Variants in XKR4 observed in about 807,000 individuals in gnomAD.
XKR4 encodes XK-related protein 4.
In XKR4, 12 loss-of-function variants were observed where a neutral mutation model predicts 53.9. That is an observed-to-expected ratio of 0.22 (90% CI 0.14 to 0.36). The LOEUF (loss-of-function observed/expected upper bound fraction) is 0.36, where lower values mean the gene tolerates loss of function less well. Ranked by LOEUF, XKR4 falls within the 10% of genes least tolerant of loss-of-function variation. The pLI is 1.00. For synonymous variants in XKR4, 354 were observed against 362.4 expected (o/e 0.98, Z 0.26); for missense variants, 799 against 859.5 (o/e 0.93, Z 0.88).
intron 2 of XKR4, among the ~76,000 whole-genome samples, chr8:55,503,174 G>T (rs1344436080): frequency 6.6e-6 from 1 of 151,710 alleles, no homozygotes; most frequent in Non-Finnish European, 1.5e-5. Context: ...GCTTTTCTGG[G>T]ACCTCTGTGA....
chr8:55,112,221 C>A (rs1294120968), intron 1 of XKR4, among the ~76,000 whole-genome samples: 1 of 152,144 alleles, frequency 6.6e-6, no homozygotes, highest in Non-Finnish European at 1.5e-5. Context: ...AGTTCTACTT[C>A]TTTTGTTTAA....
At chr8:55,324,258 G>A (rs902780146) in intron 1 of XKR4, among the ~76,000 whole-genome samples, 2 of 152,026 alleles carry the variant, frequency 1.3e-5, no homozygotes, top group Non-Finnish European at 2.9e-5. Context: ...ATCATGCCTG[G>A]CTACTTTTTT....
At chr8:55,456,299 C>T (rs1805568360) in intron 2 of XKR4, among the ~76,000 whole-genome samples, 1 of 152,070 alleles carries the variant, frequency 6.6e-6, no homozygotes, top group Non-Finnish European at 1.5e-5. Flanking sequence ...GGCTTGGTGG[C>T]ATGTGCTTGT....
intron 1 of XKR4, among the ~76,000 whole-genome samples, chr8:55,196,288 TCTC>T (rs961255431): frequency 6.1e-4 from 92 of 151,858 alleles, no homozygotes; most frequent in African/African-American, 2.2e-3. Context: ...TTCAAGCAAT[TCTC>T]CTGTCTCAGC....
chr8:55,198,938 C>G (rs1563480881), intron 1 of XKR4, among the ~76,000 whole-genome samples: 1 of 152,238 alleles, frequency 6.6e-6, no homozygotes, highest in East Asian at 1.9e-4. Flanking sequence ...AAGTTTGAAC[C>G]AGCTATAAAC....
intron 1 of XKR4, among the ~76,000 whole-genome samples, chr8:55,170,662 T>A (rs927745475): frequency 1.4e-4 from 21 of 152,198 alleles, no homozygotes; most frequent in African/African-American, 5.1e-4. Flanking sequence ...ATGAGACATA[T>A]GTATTCATCA....
intron 2 of XKR4, among the ~76,000 whole-genome samples, chr8:55,476,825 G>C (rs2129400697): frequency 6.6e-6 from 1 of 152,228 alleles, no homozygotes; most frequent in Non-Finnish European, 1.5e-5. Flanking sequence ...CAAACTGCAA[G>C]ATGGTAGCGA....
At chr8:55,406,626 CT>C (rs1271175530) in intron 2 of XKR4, among the ~76,000 whole-genome samples, 1 of 152,242 alleles carries the variant, frequency 6.6e-6, no homozygotes, top group African/African-American at 2.4e-5. Context: ...TTGATCCCAG[CT>C]CCCTCTTTTG....
intron 2 of XKR4, chr8:55,451,605 G>T: frequency 8.3e-6 from 12 of 1,445,896 alleles, no homozygotes; most frequent in Non-Finnish European, 1.1e-5. Context: ...AGACAACGGT[G>T]AAGCGGTTCT....
chr8:55,183,612 T>A (rs1817341992), intron 1 of XKR4, among the ~76,000 whole-genome samples: 1 of 152,110 alleles, frequency 6.6e-6, no homozygotes, highest in Admixed American at 6.5e-5. Flanking sequence ...TTTGTATGAT[T>A]TCTATTATTT....
chr8:55,151,563 TAG>T (rs2129355716), intron 1 of XKR4, among the ~76,000 whole-genome samples: 1 of 152,340 alleles, frequency 6.6e-6, no homozygotes, highest in African/African-American at 2.4e-5. Context: ...TCTATTATAG[TAG>T]AGTGTACTTA....
At chr8:55,273,329 C>A (rs1818719586) in intron 1 of XKR4, among the ~76,000 whole-genome samples, 1 of 152,128 alleles carries the variant, frequency 6.6e-6, no homozygotes, top group African/African-American at 2.4e-5. Flanking sequence ...TCCAAGCTGT[C>A]CTTATTCATT....
chr8:55,419,860 C>G (rs2129392266), intron 2 of XKR4, among the ~76,000 whole-genome samples: 1 of 152,326 alleles, frequency 6.6e-6, no homozygotes, highest in South Asian at 2.1e-4. Context: ...GGAACTATTA[C>G]TCTCTATTTT....
At chr8:55,257,466 A>G (rs374121760) in intron 1 of XKR4, among the ~76,000 whole-genome samples, 2,231 of 151,284 alleles carry the variant, frequency 0.015, 41 homozygotes, top group East Asian at 0.04. Flanking sequence ...GAGAGAGAGA[A>G]AGAGAGAGAA....
chr8:55,342,056 G>A (rs906171), intron 1 of XKR4, among the ~76,000 whole-genome samples: 198 of 152,082 alleles, frequency 1.3e-3, no homozygotes, highest in Non-Finnish European at 2.1e-3. Flanking sequence ...TATTTAAAAA[G>A]CATGTCAAAC....
At chr8:55,424,208 A>G (rs6999666) in intron 2 of XKR4, among the ~76,000 whole-genome samples, 16,114 of 152,254 alleles carry the variant, frequency 0.11, 2,149 homozygotes, top group African/African-American at 0.31. Context: ...TTGCCTCTCA[A>G]ACAACTACCC....
At chr8:55,279,832 T>TGG (rs1433241393) in intron 1 of XKR4, among the ~76,000 whole-genome samples, 3 of 152,176 alleles carry the variant, frequency 2.0e-5, no homozygotes, top group African/African-American at 7.2e-5. Flanking sequence ...CCAGCAGAGA[T>TGG]GACTAGGTAT....
intron 1 of XKR4, among the ~76,000 whole-genome samples, chr8:55,261,246 G>T (rs755175515): frequency 6.6e-5 from 10 of 152,122 alleles, no homozygotes; most frequent in Non-Finnish European, 1.5e-4. Flanking sequence ...AACCTTTCCA[G>T]AACTAAGCTT....
intron 2 of XKR4, chr8:55,450,426 C>A: frequency 3.5e-6 from 2 of 571,194 alleles, no homozygotes; most frequent in South Asian, 3.8e-5. Flanking sequence ...TCCTCTTGCT[C>A]ATCCGGTCCA....
Sources: gnomAD v4.1 joint callset for allele counts (sites outside exome capture counted in the v4.1 genomes callset) on GRCh38, gnomAD v4.1.1 for gene constraint, MANE v1.5 for transcripts, NCBI Gene and HGNC (gene_info 2026-07-23, HGNC 2026-07-21) for gene names.